The following C3orf85 variants were observed in gnomAD, a reference collection of about 807,000 sequenced individuals.
C3orf85 encodes uncharacterized protein C3orf85.
A neutral mutation model predicts 1.7 loss-of-function variants in C3orf85; 1 was observed. The ratio of observed to expected loss-of-function variants is 0.60; its 90% confidence interval spans 0.21 to 2.86. The LOEUF is 2.86. Among genes scored for constraint, C3orf85 ranks in the 30% most tolerant of loss-of-function variants. The pLI, the probability that C3orf85 is intolerant of heterozygous loss-of-function variation, is 0.22. For synonymous variants in C3orf85, 17 were observed against 8.0 expected (o/e 2.13, Z -1.90); for missense variants, 29 against 21.3 (o/e 1.36, Z -0.72).
At chr3:109,144,537 T>C (rs1241385322) in intron 2 of C3orf85, among the ~76,000 whole-genome samples, 6 of 152,330 alleles carry the variant, frequency 3.9e-5, no homozygotes. Context: ...GGAGATTGTA[T>C]CGGTAAAACA....
chr3:109,137,885 T>A (rs1010871624), intron 2 of C3orf85, among the ~76,000 whole-genome samples: 3 of 151,956 alleles, frequency 2.0e-5, no homozygotes, highest in Non-Finnish European at 2.9e-5. Flanking sequence ...TTTAAGTGAG[T>A]GTCTCAGAGC....
chr3:109,137,006 T>G, intron 2 of C3orf85, 110 bp downstream of exon 2: 5 of 381,722 alleles, frequency 1.3e-5, no homozygotes, highest in Non-Finnish European at 4.6e-6. Flanking sequence ...CATAGGCCTA[T>G]TCTATAGCAC....
rs1032267931 is a variant in C3orf85 at position 109,148,472 on chromosome 3, T to A, written c.183+86T>A. 18 of 695,966 alleles carry A rather than the reference T, an allele frequency of 2.6e-5. 1 individual carries two copies. The highest frequency in any genetic ancestry group is 1.6e-4 in the Admixed American group (8 of 49,804). The allele number at this position is 695,966 out of a possible 1,614,324, so 43.1% of individuals were successfully genotyped here. A position where few individuals can be genotyped will look rare whatever the true frequency, so the allele number is the denominator to read the frequency against. ...AGCTGACCACTAATTAACACATGAC[T>A]AGCCTAGCCCTGATTTTTCCTCTCT... On this transcript the variant is annotated intron_variant, in intron 3 of 3. Transcript: ENST00000622536.
intron 2 of C3orf85, among the ~76,000 whole-genome samples, chr3:109,146,886 C>T (rs1486206126): frequency 6.6e-6 from 1 of 152,168 alleles, no homozygotes; most frequent in Non-Finnish European, 1.5e-5. Flanking sequence ...ATGGTTTCCA[C>T]AAACTTGCTG....
At chr3:109,141,922 G>A (rs1032971160) in intron 2 of C3orf85, among the ~76,000 whole-genome samples, 3 of 152,100 alleles carry the variant, frequency 2.0e-5, no homozygotes, top group Non-Finnish European at 2.9e-5. Context: ...CCAGCTACTC[G>A]GGAGGCTGAG....
At chr3:109,140,499 T>C (rs1706733657) in intron 2 of C3orf85, among the ~76,000 whole-genome samples, 10 of 152,182 alleles carry the variant, frequency 6.6e-5, no homozygotes, top group African/African-American at 2.2e-4. Context: ...GGGACCCCTT[T>C]ATACTTGGTT....
intron 2 of C3orf85, among the ~76,000 whole-genome samples, chr3:109,137,619 A>ATGTGTGTG (rs1207083894): frequency 1.4e-4 from 15 of 106,808 alleles, no homozygotes; most frequent in Non-Finnish European, 2.7e-4. Context: ...AGATGTATAT[A>ATGTGTGTG]TGTGTGTGTG....
At chr3:109,147,733 G>A (rs111465514) in intron 2 of C3orf85, among the ~76,000 whole-genome samples, 3 of 152,222 alleles carry the variant, frequency 2.0e-5, no homozygotes, top group African/African-American at 7.2e-5. Context: ...ACAGTGTCAG[G>A]TTTGGGAGCA....
chr3:109,137,157 T>C (rs1706687079), intron 2 of C3orf85, among the ~76,000 whole-genome samples: 1 of 152,128 alleles, frequency 6.6e-6, no homozygotes, highest in South Asian at 2.1e-4. Flanking sequence ...TAATTGCTGC[T>C]GCCTCCAAAT....
chr3:109,142,698 GC>G (rs1434868785), intron 2 of C3orf85, among the ~76,000 whole-genome samples: 9 of 150,352 alleles, frequency 6.0e-5, no homozygotes, highest in Non-Finnish European at 7.4e-5. Flanking sequence ...CCTGGCATGT[GC>G]TCTGTTTTTT....
At chr3:109,144,100 T>A (rs1706769986) in intron 2 of C3orf85, among the ~76,000 whole-genome samples, 1 of 152,172 alleles carries the variant, frequency 6.6e-6, no homozygotes, top group Non-Finnish European at 1.5e-5. Context: ...TGGTTGATAT[T>A]GCCTACATTT....
At chr3:109,143,189 A>C (rs1423444204) in intron 2 of C3orf85, among the ~76,000 whole-genome samples, 5 of 152,188 alleles carry the variant, frequency 3.3e-5, no homozygotes, top group African/African-American at 9.7e-5. Flanking sequence ...CAAAAAGAGA[A>C]ATCTGCCAGC....
intron 3 of C3orf85, chr3:109,148,664 A>T (rs559033013): frequency 3.6e-5 from 14 of 386,058 alleles, no homozygotes; most frequent in Non-Finnish European, 5.7e-5. Context: ...GCTCTTTCAC[A>T]AATAAATAGC....
intron 2 of C3orf85, among the ~76,000 whole-genome samples, chr3:109,137,637 G>GTGTGTA (rs751674362): frequency 6.9e-4 from 55 of 79,902 alleles, no homozygotes; most frequent in East Asian, 1.8e-3. Flanking sequence ...GTGTGTGTGT[G>GTGTGTA]TATATATATA....
chr3:109,146,202 T>A (rs560879445), intron 2 of C3orf85: 1 of 152,232 alleles, frequency 6.6e-6, no homozygotes, highest in Non-Finnish European at 1.5e-5. Flanking sequence ...ATGATGATAA[T>A]CAGAGCAAGG....
In C3orf85 at chr3:109,148,277, T is replaced by C. The variant is rs898024404; in HGVS notation, c.74T>C (p.Leu25Ser). 2.3e-5 allele frequency: 16 copies of C among 702,146 alleles called. No individual in the cohort carries two copies. Among genetic ancestry groups the C allele is most frequent in the Admixed American group, 1.8e-4 (9 of 49,950 alleles). The allele number at this position is 702,146 out of a possible 1,614,324, so 43.5% of individuals were successfully genotyped here. Residue 25 changes from leucine to serine, a missense_variant, in exon 3 of 4, where the codon TTG (leucine) becomes TCG (serine). By Grantham distance (145) the Leu-to-Ser change is moderately radical. Coordinates refer to ENST00000622536, the MANE Select transcript of C3orf85 (RefSeq NM_001351622.2). ...GGAGCATTGGGAGCGCCATTTTTGT[T>C]GGAAGACCCTGCAAACCAGTTCCTA... ...LIGALGAPFLLEDPANQFLRL... is the reference protein window; with the variant it reads ...LIGALGAPFLSEDPANQFLRL...
In C3orf85 at chr3:109,147,320, C is replaced by T. The variant is rs149347594; in HGVS notation, c.50-933C>T. On this transcript the variant is annotated intron_variant, in intron 2 of 3. Transcript: ENST00000622536. ...AGCCCCATAGAGGGGAATTTTTATA[C>T]CGTATAGCTTGCTATAACCCAGGTT... Among the ~76,000 whole-genome samples, 275 of 152,246 alleles carry T rather than the reference C, an allele frequency of 1.8e-3. 3 individuals carry two copies. Among genetic ancestry groups the T allele is most frequent in the African/African-American group, 5.8e-3 (243 of 41,552 alleles).
chr3:109,137,635 G>GTA (rs1436615146), intron 2 of C3orf85, among the ~76,000 whole-genome samples: 727 of 48,698 alleles, frequency 0.015, 8 homozygotes, highest in East Asian at 0.05. Flanking sequence ...GTGTGTGTGT[G>GTA]TGTATATATA....
chr3:109,140,807 T>C (rs1465899338), intron 2 of C3orf85, among the ~76,000 whole-genome samples: 1 of 152,324 alleles, frequency 6.6e-6, no homozygotes, highest in East Asian at 1.9e-4. Context: ...TGTATGTGTG[T>C]TAAGAGCAGG....
Sources: allele counts gnomAD v4.1 joint callset (sites outside exome capture counted in the v4.1 genomes callset), GRCh38; gene constraint gnomAD v4.1.1; transcripts MANE v1.5; gene names NCBI Gene and HGNC (gene_info 2026-07-23, HGNC 2026-07-21).